Variants in DCDC1 observed in about 807,000 individuals in gnomAD.
DCDC1 encodes the protein doublecortin domain-containing protein 1.
A neutral mutation model predicts 178.3 loss-of-function variants in DCDC1; 200 were observed. That is an observed-to-expected ratio of 1.12 (90% CI 1.00 to 1.26). The LOEUF (loss-of-function observed/expected upper bound fraction) is 1.26, where lower values mean the gene tolerates loss of function less well. DCDC1 is among the 50% of genes most tolerant of loss of function. The pLI is 0.00. For missense variants in DCDC1, 1,983 were observed against 1,749.2 expected (o/e 1.13, Z -2.38); for synonymous variants, 690 against 604.8 (o/e 1.14, Z -2.07).
intron 20 of DCDC1, among the ~76,000 whole-genome samples, chr11:31,012,791 AAT>A (rs1952253061): frequency 6.6e-6 from 1 of 152,302 alleles, no homozygotes; most frequent in Non-Finnish European, 1.5e-5. Context: ...CAAGAAACAA[AAT>A]AGTATGTTAG....
chr11:31,322,712 G>A (rs893479865), intron 3 of DCDC1, among the ~76,000 whole-genome samples: 10 of 152,208 alleles, frequency 6.6e-5, no homozygotes, highest in African/African-American at 2.4e-4. Flanking sequence ...GAGGATGGCA[G>A]AGGCAAAGAC....
At chr11:31,219,037 G>C (rs933413204) in intron 9 of DCDC1, among the ~76,000 whole-genome samples, 2 of 152,108 alleles carry the variant, frequency 1.3e-5, no homozygotes, top group Non-Finnish European at 2.9e-5. Flanking sequence ...CTTTGACCTG[G>C]AAGAACGGAG....
chr11:30,931,736 AGT>A (rs145775177), intron 22 of DCDC1, 33 bp downstream of exon 22: 35,516 of 1,567,336 alleles, frequency 0.023, 892 homozygotes, highest in East Asian at 0.088. Context: ...CAAACTAGAA[AGT>A]GTATTTAATA....
chr11:31,025,079 G>C (rs975927892), intron 20 of DCDC1, among the ~76,000 whole-genome samples: 2 of 151,764 alleles, frequency 1.3e-5, no homozygotes, highest in Non-Finnish European at 3.0e-5. Context: ...GTTATCTATA[G>C]TAATTTCAAC....
intron 20 of DCDC1, among the ~76,000 whole-genome samples, chr11:30,969,863 T>A (rs1015471977): frequency 6.6e-6 from 1 of 152,228 alleles, no homozygotes; most frequent in Admixed American, 6.5e-5. Context: ...TTCATATTCA[T>A]CATTTTTAGT....
rs556999959 is a variant in DCDC1 at position 31,136,453 on chromosome 11, T to C, written c.1314+1239A>G. On this transcript the variant is annotated intron_variant, in intron 10 of 38. Coordinates refer to ENST00000684477, the MANE Select transcript of DCDC1 (RefSeq NM_001387274.1). Reference sequence around the variant, plus strand: ...GTGTCCCAAATACTAATATGGTCTCTAATGTAAGAATAGAATTTACACAGG... The same window carrying C: ...GTGTCCCAAATACTAATATGGTCTCCAATGTAAGAATAGAATTTACACAGG... Among the ~76,000 whole-genome samples, 30 of 152,240 alleles carry C rather than the reference T, an allele frequency of 2.0e-4. No homozygotes were observed. The East Asian group carries it at 5.0e-3, about 25-fold the overall frequency.
chr11:31,367,437 T>A (rs1952019709), intron 1 of DCDC1, among the ~76,000 whole-genome samples: 1 of 152,208 alleles, frequency 6.6e-6, no homozygotes, highest in South Asian at 2.1e-4. Flanking sequence ...ATGGGACTGT[T>A]GGGTTGATTT....
chr11:30,895,547 A>G (rs1256935870), intron 34 of DCDC1, among the ~76,000 whole-genome samples: 2 of 152,222 alleles, frequency 1.3e-5, no homozygotes, highest in Non-Finnish European at 2.9e-5. Flanking sequence ...TGGTACTTAT[A>G]GAGTATAAAG....
At position 31,102,279 on chromosome 11, in the gene DCDC1, C is replaced by A; in HGVS notation, c.1881G>T (p.Trp627Cys). ...TAATTGGAAATCCCTCACAAACTTC[C>A]CAACTAAGAAAAGTAAAATACGTAA... ...NAVLLPGCGN[W>C]EVCEGFPINF... Residue 627 changes from tryptophan to cysteine, a missense_variant, in exon 15 of 39, where the codon TGG becomes TGT. By Grantham distance (215) the Trp-to-Cys change is radical. Transcript: ENST00000684477. 1 of 691,686 alleles carries A rather than the reference C, an allele frequency of 1.4e-6. No homozygotes were observed. The highest frequency in any genetic ancestry group is 2.7e-6 in the Non-Finnish European group (1 of 372,276). The allele number at this position is 691,686 out of a possible 1,614,324, so 42.8% of individuals were successfully genotyped here.
chr11:30,965,744 C>T (rs2134625893), intron 20 of DCDC1, among the ~76,000 whole-genome samples: 1 of 139,252 alleles, frequency 7.2e-6, no homozygotes, highest in South Asian at 2.4e-4. Context: ...AATGCTATCC[C>T]TTCCCCCTCC....
chr11:31,124,875 A>C (rs773470377), intron 11 of DCDC1, among the ~76,000 whole-genome samples: 5 of 152,218 alleles, frequency 3.3e-5, no homozygotes, highest in Non-Finnish European at 7.4e-5. Context: ...ATGGGCAAAG[A>C]TTTTATGATG....
intron 9 of DCDC1, among the ~76,000 whole-genome samples, chr11:31,191,705 A>C (rs1301711832): frequency 6.6e-6 from 1 of 152,100 alleles, no homozygotes; most frequent in Admixed American, 6.6e-5. Context: ...GTTGGGTTTC[A>C]ACAGAAACAA....
intron 20 of DCDC1, among the ~76,000 whole-genome samples, chr11:30,997,508 C>T (rs1951335746): frequency 6.6e-6 from 1 of 151,802 alleles, no homozygotes; most frequent in African/African-American, 2.4e-5. Flanking sequence ...TATTGAAAGG[C>T]CATACCTAGA....
At chr11:31,079,605 A>T (rs1159263726) in intron 17 of DCDC1, among the ~76,000 whole-genome samples, 1 of 152,186 alleles carries the variant, frequency 6.6e-6, no homozygotes, top group Admixed American at 6.5e-5. Flanking sequence ...TGTGGGATCT[A>T]ATGCTAACTC....
At chr11:31,191,567 G>T (rs1026261466) in intron 9 of DCDC1, among the ~76,000 whole-genome samples, 1 of 151,994 alleles carries the variant, frequency 6.6e-6, no homozygotes, top group Middle Eastern at 3.2e-3. Flanking sequence ...AATGGTACAA[G>T]ATTAATGGAT....
At chr11:31,162,790 T>A (rs895494984) in intron 9 of DCDC1, among the ~76,000 whole-genome samples, 14 of 152,198 alleles carry the variant, frequency 9.2e-5, no homozygotes, top group African/African-American at 3.4e-4. Context: ...CTGCATATCA[T>A]TAGCACTATA....
intron 7 of DCDC1, among the ~76,000 whole-genome samples, chr11:31,268,688 A>G (rs921445363): frequency 6.6e-6 from 1 of 152,312 alleles, no homozygotes; most frequent in Non-Finnish European, 1.5e-5. Flanking sequence ...TGAACACACG[A>G]GTGCATGCGT....
At chr11:31,257,693 A>AACACACACACACACACACACACAC (rs60535376) in intron 8 of DCDC1, among the ~76,000 whole-genome samples, 2 of 143,870 alleles carry the variant, frequency 1.4e-5, no homozygotes, top group Admixed American at 7.0e-5. Flanking sequence ...CAGATAGGAA[A>AACACACACACACACACACACACAC]ACACACACAC....
intron 2 of DCDC1, among the ~76,000 whole-genome samples, chr11:31,329,040 T>G (rs1160950216): frequency 1.3e-5 from 2 of 149,820 alleles, no homozygotes; most frequent in Non-Finnish European, 3.0e-5. Context: ...CTGTCAATTA[T>G]GTGGCCTTGC....
Sources: gnomAD v4.1 joint callset for allele counts (sites outside exome capture counted in the v4.1 genomes callset) on GRCh38, gnomAD v4.1.1 for gene constraint, MANE v1.5 for transcripts, NCBI Gene and HGNC (gene_info 2026-07-23, HGNC 2026-07-21) for gene names.